Variants in DCC observed in about 807,000 individuals in gnomAD.
The protein encoded by DCC is DCC netrin 1 receptor.
In DCC, 58 loss-of-function variants were observed where a neutral mutation model predicts 172.5. The observed-to-expected ratio is 0.34, with a 90% CI of 0.27 to 0.42. The LOEUF (loss-of-function observed/expected upper bound fraction) is 0.42, where lower values mean the gene tolerates loss of function less well. Ranked by LOEUF, DCC falls within the 10% of genes least tolerant of loss-of-function variation. The pLI is 1.00. For missense variants in DCC, 1,740 were observed against 1,791.0 expected, an observed-to-expected ratio of 0.97 and a Z score of 0.51; for synonymous variants, 709 against 644.5, an observed-to-expected ratio of 1.10 and a Z score of -1.52.
intron 12 of DCC, among the ~76,000 whole-genome samples, chr18:53,271,628 A>G (rs2056750662): frequency 6.6e-6 from 1 of 152,142 alleles, no homozygotes; most frequent in South Asian, 2.1e-4. Context: ...AGGCATCTGA[A>G]TTCCCTCAGA....
chr18:53,461,130 T>G (rs2045553785), intron 24 of DCC, among the ~76,000 whole-genome samples: 1 of 152,182 alleles, frequency 6.6e-6, no homozygotes, highest in African/African-American at 2.4e-5. Context: ...ATGGGGTTGT[T>G]TGTTATTTTC....
chr18:52,408,129 A>G (rs750561881), intron 1 of DCC, among the ~76,000 whole-genome samples: 3 of 152,078 alleles, frequency 2.0e-5, no homozygotes, highest in Admixed American at 6.6e-5. Context: ...GAAAAGTCCA[A>G]AAACTTCTTG....
intron 2 of DCC, among the ~76,000 whole-genome samples, chr18:52,854,391 T>C (rs1027342071): frequency 2.0e-5 from 3 of 152,182 alleles, no homozygotes; most frequent in African/African-American, 7.2e-5. Context: ...AAGATGGAGA[T>C]AGAGGAATTA....
At chr18:53,356,532 T>G (rs567097109) in intron 15 of DCC, among the ~76,000 whole-genome samples, 1 of 152,306 alleles carries the variant, frequency 6.6e-6, no homozygotes, top group South Asian at 2.1e-4. Flanking sequence ...GGGGATAGTT[T>G]GTGCCACTAC....
chr18:52,940,391 A>C (rs1042851520), intron 5 of DCC, among the ~76,000 whole-genome samples: 13 of 152,262 alleles, frequency 8.5e-5, no homozygotes, highest in Middle Eastern at 3.4e-3. Context: ...CTTTCACTCA[A>C]ATTCTTAAAA....
At chr18:53,303,892 G>C (rs1460838442) in intron 12 of DCC, among the ~76,000 whole-genome samples, 1 of 152,166 alleles carries the variant, frequency 6.6e-6, no homozygotes, top group East Asian at 1.9e-4. Flanking sequence ...GATGGTAAAT[G>C]TGGGGGATTT....
chr18:53,142,969 T>C (rs2144354054), intron 7 of DCC, among the ~76,000 whole-genome samples: 1 of 76,248 alleles, frequency 1.3e-5, no homozygotes, highest in East Asian at 1.1e-3. Context: ...TATCCAAAGT[T>C]TTTTTCATCC....
chr18:53,165,375 A>G (rs1276389162), intron 8 of DCC, among the ~76,000 whole-genome samples: 4 of 152,166 alleles, frequency 2.6e-5, no homozygotes, highest in African/African-American at 9.7e-5. Flanking sequence ...AATTCATGGT[A>G]TATTACATTT....
intron 28 of DCC, chr18:53,527,090 CGTGTGTGTGTGTGTGTGT>C (rs200516080): frequency 1.2e-3 from 244 of 204,804 alleles, no homozygotes; most frequent in Non-Finnish European, 1.6e-3. Context: ...CACATGGATA[CGTGTGTGTGTGTGTGTGT>C]GTGTGTGTGT....
At chr18:53,354,607 CTTCTTTGTTTTT>C (rs2057855212) in intron 15 of DCC, among the ~76,000 whole-genome samples, 1 of 151,894 alleles carries the variant, frequency 6.6e-6, no homozygotes, top group African/African-American at 2.4e-5. Context: ...TTTTGATGGG[CTTCTTTGTTTTT>C]TTCTTGTAAA....
At chr18:53,404,009 T>C (rs1426694036) in intron 19 of DCC, among the ~76,000 whole-genome samples, 2 of 152,178 alleles carry the variant, frequency 1.3e-5, no homozygotes, top group Non-Finnish European at 2.9e-5. Flanking sequence ...CCCCAAGATC[T>C]TATATGTTCA....
At chr18:52,533,138 C>G (rs2032198102) in intron 1 of DCC, among the ~76,000 whole-genome samples, 1 of 152,092 alleles carries the variant, frequency 6.6e-6, no homozygotes, top group South Asian at 2.1e-4. Context: ...ACCCTTTACC[C>G]TGTTTCCCCC....
intron 2 of DCC, among the ~76,000 whole-genome samples, chr18:52,884,190 T>A (rs1036454968): frequency 1.4e-4 from 21 of 152,060 alleles, no homozygotes; most frequent in African/African-American, 4.8e-4. Flanking sequence ...TCAGGTTAAA[T>A]CTCCTTGGTG....
intron 1 of DCC, among the ~76,000 whole-genome samples, chr18:52,546,734 G>A (rs1018028900): frequency 1.3e-5 from 2 of 151,886 alleles, no homozygotes; most frequent in African/African-American, 2.4e-5. Flanking sequence ...CAGGTATCTC[G>A]AGACCTTGTA....
chr18:52,795,901 T>C (rs1447728203), intron 2 of DCC, among the ~76,000 whole-genome samples: 1 of 151,522 alleles, frequency 6.6e-6, no homozygotes, highest in Non-Finnish European at 1.5e-5. Flanking sequence ...GTTTTCAATA[T>C]TCTTTCTATT....
At chr18:53,066,272 A>T in intron 7 of DCC, 106 bp downstream of exon 7, 4 of 1,045,888 alleles carry the variant, frequency 3.8e-6, no homozygotes. Context: ...ATATGGCAAT[A>T]TGAAATCATT....
intron 15 of DCC, among the ~76,000 whole-genome samples, chr18:53,362,976 C>T (rs1048834024): frequency 1.2e-4 from 19 of 152,246 alleles, no homozygotes; most frequent in African/African-American, 4.6e-4. Context: ...TGCTCTGTCT[C>T]CTTTGCTCCT....
chr18:53,480,869 T>G (rs1475237643), intron 25 of DCC: 1 of 152,224 alleles, frequency 6.6e-6, no homozygotes, highest in Non-Finnish European at 1.5e-5. Context: ...CAATAGTATC[T>G]GAGAATCAGG....
chr18:53,356,232 C>T (rs1008927509), intron 15 of DCC, among the ~76,000 whole-genome samples: 3 of 151,972 alleles, frequency 2.0e-5, no homozygotes, highest in Non-Finnish European at 4.4e-5. Flanking sequence ...CACTCAGTCT[C>T]TCCTCTACCT....
Sources: allele counts gnomAD v4.1 joint callset (sites outside exome capture counted in the v4.1 genomes callset), GRCh38; gene constraint gnomAD v4.1.1; transcripts MANE v1.5; gene names NCBI Gene and HGNC (gene_info 2026-07-23, HGNC 2026-07-21).